The following AREL1 variants were observed in gnomAD, a reference collection of about 807,000 sequenced individuals.
AREL1 encodes the protein apoptosis resistant E3 ubiquitin protein ligase 1.
Under a neutral mutation model 99.0 loss-of-function variants are expected in AREL1, and 62 were observed. The ratio of observed to expected loss-of-function variants is 0.63; its 90% CI spans 0.51 to 0.77. The LOEUF (loss-of-function observed/expected upper bound fraction) is 0.77, where lower values mean the gene tolerates loss of function less well. AREL1 is among the 30% of genes least tolerant of loss of function. The pLI is 0.00. For missense variants in AREL1, 879 were observed against 1,027.6 expected (o/e 0.86, Z 1.98); for synonymous variants, 380 against 376.5 (o/e 1.01, Z -0.11).
intron 13 of AREL1, among the ~76,000 whole-genome samples, chr14:74,670,455 C>T (rs780767827): frequency 6.6e-6 from 1 of 152,074 alleles, no homozygotes; most frequent in Non-Finnish European, 1.5e-5. Context: ...AGATCTAGTA[C>T]AGGAATCATT....
Position 74,683,526 on chromosome 14 carries a change from T to A in AREL1, c.251A>T (p.Tyr84Phe). ...TGCAGGGAAAGGCTGCCCGTTCTTA[T>A]AGAATAACTGCCATGGGGAGAAGAA... is the stretch of plus-strand genomic sequence containing the variant. ...HSMAFRVHLF[Y>F]KNGQPFPAHR... Residue 84 changes from tyrosine (Y) to phenylalanine (F), a missense_variant, in exon 5 of 20, where the codon TAT becomes TTT. Transcript: ENST00000356357. The A allele has an allele frequency of 6.2e-7, 1 of 1,613,994 alleles. No homozygotes were observed. Among genetic ancestry groups the A allele is most frequent in the Non-Finnish European group, 8.5e-7 (1 of 1,179,946 alleles).
In AREL1 at chr14:74,669,693, C is replaced by G. The variant is rs770691364; in HGVS notation, c.1870G>C (p.Val624Leu). ...TTATTATATTTCTCTTCTGCAAAGA[C>G]CAGCTCCATCTCACTCATGTCATTG... ...LNNDMSEMEL[V>L]FAEEKYNKSG... The change falls in exon 15 of 20, where the codon GTC (valine) becomes CTC (leucine). Residue 624 changes from valine to leucine, a missense_variant. Coordinates refer to ENST00000356357, the MANE Select transcript of AREL1 (RefSeq NM_001039479.2). The G allele has an allele frequency of 1.2e-6, 2 of 1,614,144 alleles. No individual in the cohort carries two copies. Among genetic ancestry groups the G allele is most frequent in the Non-Finnish European group, 1.7e-6 (2 of 1,180,010 alleles).
intron 1 of AREL1, among the ~76,000 whole-genome samples, chr14:74,705,491 C>T (rs891579281): frequency 2.0e-5 from 3 of 152,138 alleles, no homozygotes; most frequent in Non-Finnish European, 4.4e-5. Context: ...ACCCCTGATA[C>T]TGGTTCTTAA....
In AREL1 at chr14:74,681,766, C is replaced by CA. The variant is rs1213768759; in HGVS notation, c.481+1529dup. On this transcript the variant is annotated intron_variant, in intron 5 of 19. Transcript: ENST00000356357. ...GCCTGGCGACAGGGCGAGACGCCAT[C>CA]AAAAAAAAAAAGAAAAAAAAAAAAA... 1.5e-3 allele frequency among the ~76,000 whole-genome samples: 131 copies of CA among 89,716 alleles called. 1 individual carries two copies. In the South Asian group the frequency reaches 0.015, roughly 10 times the overall value. The allele number at this position is 89,716 out of a possible 152,430, so 58.9% of individuals were successfully genotyped here. A position where few individuals can be genotyped will look rare whatever the true frequency, so the allele number is the denominator to read the frequency against.
rs1171060845 is a variant in AREL1 at position 74,662,490 on chromosome 14, T to C, written c.*1230A>G. 8 of 398,726 alleles carry C rather than the reference T, an allele frequency of 2.0e-5. No individual in the cohort carries two copies. The highest frequency in any genetic ancestry group is 1.2e-4 in the African/African-American group (6 of 48,620). 24.7% of individuals were successfully genotyped at this position (398,726 alleles called of 1,614,324 possible). A position where few individuals can be genotyped will look rare whatever the true frequency, so the allele number is the denominator to read the frequency against. On this transcript the variant is annotated 3_prime_UTR_variant, in exon 20 of 20. Coordinates refer to ENST00000356357, the MANE Select transcript of AREL1 (RefSeq NM_001039479.2). ...AATCAAACAGTAATGAAAAAGGATG[T>C]TGTCATCTTCCAAGATACAGCAGCA... is the stretch of plus-strand genomic sequence containing the variant.
intron 1 of AREL1, among the ~76,000 whole-genome samples, chr14:74,711,100 G>A (rs1387370968): frequency 6.6e-6 from 1 of 151,862 alleles, no homozygotes; most frequent in Non-Finnish European, 1.5e-5. Flanking sequence ...GCGTGTTGGC[G>A]CACGCCTGTA....
intron 1 of AREL1, among the ~76,000 whole-genome samples, chr14:74,699,947 G>A (rs147642533): frequency 1.6e-4 from 25 of 152,348 alleles, no homozygotes; most frequent in Middle Eastern, 3.4e-3. Flanking sequence ...GGGGGACAAG[G>A]CTGTATGCAC....
intron 12 of AREL1, among the ~76,000 whole-genome samples, chr14:74,671,203 C>CA (rs999251110): frequency 2.6e-5 from 4 of 151,616 alleles, no homozygotes; most frequent in Non-Finnish European, 5.9e-5. Flanking sequence ...ACAAGCTCCT[C>CA]AATGCCATCC....
At chr14:74,670,201 C>T in intron 13 of AREL1, 75 bp from the exon 14 acceptor site, 3 of 1,412,116 alleles carry the variant, frequency 2.1e-6, no homozygotes, top group Admixed American at 2.3e-5. Flanking sequence ...CTTCCTTCCC[C>T]AACCCCATGC....
At position 74,674,056 on chromosome 14, in the gene AREL1, A is replaced by G; in HGVS notation, c.1136T>C (p.Phe379Ser). ...TACTTTTGTTCCTGGACACACTCGG[A>G]AGGTGTAAAGGCGCCAGGGGATGAT... Reference protein sequence around the residue: ...LKIIPWRLYTFRVCPGTKFSY... With the variant: ...LKIIPWRLYTSRVCPGTKFSY... Residue 379 changes from phenylalanine to serine, a missense_variant, in exon 9 of 20, where the codon TTC becomes TCC. Transcript: ENST00000356357. The G allele has an allele frequency of 6.2e-7, 1 of 1,613,642 alleles. No individual in the cohort carries two copies. Among genetic ancestry groups the G allele is most frequent in the Middle Eastern group, 1.6e-4 (1 of 6,062 alleles).
chr14:74,675,222 C>T lies in AREL1; in HGVS notation c.1080+477G>A, dbSNP rs137951045. 1.1e-4 allele frequency among the ~76,000 whole-genome samples: 16 copies of T among 152,272 alleles called. No homozygotes were observed. In the East Asian group the frequency reaches 2.9e-3, roughly 28 times the overall value. ...AGATTTTTAAATGAAGAATGGTACA[C>T]AGCAAAGTGTTCTGAAGTAGAACAG... On this transcript the variant is annotated intron_variant, in intron 8 of 19. Coordinates refer to ENST00000356357, the MANE Select transcript of AREL1 (RefSeq NM_001039479.2).
chr14:74,682,855 G>C (rs1468488236), intron 5 of AREL1, among the ~76,000 whole-genome samples: 1 of 152,218 alleles, frequency 6.6e-6, no homozygotes, highest in African/African-American at 2.4e-5. Flanking sequence ...ACCATGAGTG[G>C]AAGCTTCGCG....
intron 1 of AREL1, among the ~76,000 whole-genome samples, chr14:74,707,787 C>T (rs1186944980): frequency 1.5e-5 from 1 of 67,132 alleles, no homozygotes; most frequent in African/African-American, 5.4e-5. Flanking sequence ...GAGTGAGATT[C>T]GTCTCAAAAA....
chr14:74,705,788 G>A (rs2090167147), intron 1 of AREL1, among the ~76,000 whole-genome samples: 1 of 152,202 alleles, frequency 6.6e-6, no homozygotes, highest in African/African-American at 2.4e-5. Context: ...AAACAAGCCA[G>A]AGTTCTTCAG....
At chr14:74,710,170 GACCACTTTCATTTC>G (rs2090254203) in intron 1 of AREL1, among the ~76,000 whole-genome samples, 1 of 152,128 alleles carries the variant, frequency 6.6e-6, no homozygotes, top group Non-Finnish European at 1.5e-5. Flanking sequence ...TAGAGTATCT[GACCACTTTCATTTC>G]ACGCTATAAG....
intron 15 of AREL1, among the ~76,000 whole-genome samples, chr14:74,669,326 A>G (rs2089278390): frequency 6.6e-6 from 1 of 151,932 alleles, no homozygotes; most frequent in African/African-American, 2.4e-5. Context: ...TCATTCAGTT[A>G]TTTTTCAACT....
intron 5 of AREL1, 40 bp from the exon 6 acceptor site, chr14:74,676,792 A>G (rs2089490597): frequency 7.0e-7 from 1 of 1,424,768 alleles, no homozygotes; most frequent in African/African-American, 1.5e-5. Flanking sequence ...TATTTATTTT[A>G]TTTTTTTATT....
intron 1 of AREL1, among the ~76,000 whole-genome samples, chr14:74,693,807 G>A (rs1391120971): frequency 6.6e-6 from 1 of 152,188 alleles, no homozygotes; most frequent in Non-Finnish European, 1.5e-5. Flanking sequence ...AACAGAATGA[G>A]TGAAGACCAG....
intron 1 of AREL1, among the ~76,000 whole-genome samples, chr14:74,694,314 C>T (rs1427533718): frequency 1.3e-5 from 2 of 152,094 alleles, no homozygotes; most frequent in Non-Finnish European, 2.9e-5. Context: ...TATAAGAGAG[C>T]ACTATGTAGA....
Sources: gnomAD v4.1 joint callset for allele counts (sites outside exome capture counted in the v4.1 genomes callset) on GRCh38, gnomAD v4.1.1 for gene constraint, MANE v1.5 for transcripts, NCBI Gene and HGNC (gene_info 2026-07-23, HGNC 2026-07-21) for gene names.